Variants in ZSCAN22 observed in about 807,000 individuals in gnomAD.
ZSCAN22 encodes the protein zinc finger and SCAN domain-containing protein 22.
Under a neutral mutation model 12.4 loss-of-function variants are expected in ZSCAN22, and 7 were observed. The ratio of observed to expected loss-of-function variants is 0.57; its 90% confidence interval spans 0.32 to 1.06. The LOEUF (loss-of-function observed/expected upper bound fraction) is 1.06. Among genes scored for constraint, ZSCAN22 ranks in the 50% least tolerant of loss-of-function variants. ZSCAN22 has a pLI of 0.04. For missense variants in ZSCAN22, 576 were observed against 631.7 expected (o/e 0.91, Z 0.94); for synonymous variants, 243 against 255.9 (o/e 0.95, Z 0.48).
Position 58,329,183 on chromosome 19 carries a change from C to T in ZSCAN22, c.-52+2069C>T, listed in dbSNP as rs2051692988. ...ACAGTGCGGCGAAGGGGCTTAAACG[C>T]AGCTTGGCCAGAGGCCACCAGAGGT... On this transcript the variant is annotated intron_variant, in intron 1 of 2. Transcript: ENST00000329665. The surrounding 1 kb of genome is among the most constrained non-coding windows in gnomAD (Gnocchi z 4.1). 6.6e-6 allele frequency among the ~76,000 whole-genome samples: 1 copy of T among 150,640 alleles called. No homozygotes were observed.
Position 58,339,400 on chromosome 19 carries a change from T to A in ZSCAN22, c.*74T>A. 7.3e-7 allele frequency: 1 copy of A among 1,368,524 alleles called. No individual in the cohort carries two copies. The highest frequency in any genetic ancestry group is 9.9e-7 in the Non-Finnish European group (1 of 1,013,146). 84.8% of individuals were successfully genotyped at this position (1,368,524 alleles called of 1,614,324 possible). On this transcript the variant is annotated 3_prime_UTR_variant, in exon 3 of 3. Coordinates refer to ENST00000329665, the MANE Select transcript of ZSCAN22 (RefSeq NM_181846.3). The surrounding 1 kb of genome is among the most constrained non-coding windows in gnomAD (Gnocchi z 5.6). ...AGGTCTAAGAGAAACGCTGAGTTCCTGAAGAGCCACAGACAGGGTGGGTGA... is the reference window on the plus strand; with the variant it reads ...AGGTCTAAGAGAAACGCTGAGTTCCAGAAGAGCCACAGACAGGGTGGGTGA...
chr19:58,334,474 G>A (rs558296714), intron 1 of ZSCAN22, among the ~76,000 whole-genome samples: 113 of 152,244 alleles, frequency 7.4e-4, no homozygotes, highest in African/African-American at 2.5e-3. Context: ...CCGCCACCAC[G>A]TCTGGCTAAT....
chr19:58,332,268 CTTTTTT>C (rs35345104), intron 1 of ZSCAN22, among the ~76,000 whole-genome samples: 1 of 81,674 alleles, frequency 1.2e-5, no homozygotes, highest in African/African-American at 5.5e-5. Flanking sequence ...CACTAATATG[CTTTTTT>C]TTTTTTTTTT....
At chr19:58,331,378 G>A (rs751664214) in intron 1 of ZSCAN22, among the ~76,000 whole-genome samples, 23 of 148,772 alleles carry the variant, frequency 1.5e-4, no homozygotes, top group Non-Finnish European at 2.5e-4. Context: ...TGCCACGCCT[G>A]TCTAGTTTTC....
At chr19:58,337,420 C>T (rs2051812238) in intron 2 of ZSCAN22, among the ~76,000 whole-genome samples, 1 of 145,070 alleles carries the variant, frequency 6.9e-6, no homozygotes, top group Non-Finnish European at 1.5e-5. Flanking sequence ...AGATCAGAGC[C>T]TGCAGGGGAC....
intron 1 of ZSCAN22, among the ~76,000 whole-genome samples, chr19:58,332,464 G>T (rs1056981645): frequency 6.6e-6 from 1 of 151,260 alleles, no homozygotes; most frequent in Non-Finnish European, 1.5e-5. Context: ...TAGTAGAGAC[G>T]GGGTTTCACT....
At position 58,338,202 on chromosome 19, in the gene ZSCAN22, G is replaced by A. The variant is rs533820796; in HGVS notation, c.404-52G>A. On this transcript the variant is annotated intron_variant, in intron 2 of 2. Transcript: ENST00000329665. The surrounding 1 kb of genome is among the most constrained non-coding windows in gnomAD (Gnocchi z 5.4). ...TGTGACCGGGGCCCTCGGCAGAGTA[G>A]GGGAGGCTTGGTGTGGTAGGAGGAG... 4.0e-6 allele frequency: 6 copies of A among 1,510,114 alleles called. No individual in the cohort carries two copies. In the South Asian group the frequency reaches 6.3e-5, roughly 16 times the overall value. 93.5% of individuals were successfully genotyped at this position (1,510,114 alleles called of 1,614,324 possible). A position where few individuals can be genotyped will look rare whatever the true frequency, so the allele number is the denominator to read the frequency against.
At position 58,338,752 on chromosome 19, in the gene ZSCAN22, G is replaced by A. The variant is rs964107090; in HGVS notation, c.902G>A (p.Cys301Tyr). Residue 301 changes from cysteine to tyrosine, a missense_variant, in exon 3 of 3, where the codon TGT becomes TAT. Cys to Tyr is a radical substitution (Grantham distance 194). Transcript: ENST00000329665. This position sits in a 1 kb window ranked among gnomAD's most constrained non-coding sequence, Gnocchi z 5.4. ...SRKTPYACSECGKAFSRSTHL... is the reference protein window; with the variant it reads ...SRKTPYACSEYGKAFSRSTHL... ...AAGACCCCATATGCCTGCAGCGAGT[G>A]TGGGAAAGCCTTCAGCCGGAGCACT... The A allele has an allele frequency of 2.5e-6, 4 of 1,614,256 alleles. No homozygotes were observed. The highest frequency in any genetic ancestry group is 3.4e-6 in the Non-Finnish European group (4 of 1,180,042).
chr19:58,340,842 G>A lies in ZSCAN22; in HGVS notation c.*1516G>A, dbSNP rs1450166741. On this transcript the variant is annotated 3_prime_UTR_variant, in exon 3 of 3. Coordinates refer to ENST00000329665, the MANE Select transcript of ZSCAN22 (RefSeq NM_181846.3). ...CCAAAGAAACCTCCCTGCTCTCCGGGAGCAGACTTCAGCTTGCCCTCTCTG... is the reference window on the plus strand; with the variant it reads ...CCAAAGAAACCTCCCTGCTCTCCGGAAGCAGACTTCAGCTTGCCCTCTCTG... 1.1e-4 allele frequency: 17 copies of A among 152,034 alleles called. No homozygotes were observed. The highest frequency in any genetic ancestry group is 1.1e-3 in the Admixed American group (17 of 15,250). The allele number at this position is 152,034 out of a possible 1,614,324, so 9.4% of individuals were successfully genotyped here.
chr19:58,330,284 C>T (rs192283561), intron 1 of ZSCAN22, among the ~76,000 whole-genome samples: 3 of 152,152 alleles, frequency 2.0e-5, no homozygotes, highest in East Asian at 1.9e-4. Context: ...AGCAAGACTC[C>T]GTCTGGAGAA....
chr19:58,340,480 CT>C lies in ZSCAN22; in HGVS notation c.*1167del, dbSNP rs779224811. ...CTTCTTTTTCTTTTTCTTTTCTTTT[CT>C]TTTTTTTTTTTTGAGATGGAGTCTC... On this transcript the variant is annotated 3_prime_UTR_variant, in exon 3 of 3. Transcript: ENST00000329665. 7.7e-3 allele frequency: 1,095 copies of C among 142,184 alleles called. 9 individuals are homozygous for C. The highest frequency in any genetic ancestry group is 0.017 in the African/African-American group (613 of 36,756). 8.8% of individuals were successfully genotyped at this position (142,184 alleles called of 1,614,324 possible).
rs767810106 is a variant in ZSCAN22, at chr19:58,338,708, C to T, written c.858C>T (p.His286=). 3.1e-6 allele frequency: 5 copies of T among 1,614,216 alleles called. No homozygotes were observed. The highest frequency in any genetic ancestry group is 4.2e-6 in the Non-Finnish European group (5 of 1,180,050). ...MFQSASALEA[H]QKTHSRKTPY... ...AGAGTGCTTCGGCGCTCGAGGCACA[C>T]CAGAAGACCCATTCTCGGAAGACCC... Residue 286 remains histidine (H), a synonymous_variant, in exon 3 of 3, where the codon CAC becomes CAT. Transcript: ENST00000329665. The surrounding 1 kb of genome is among the most constrained non-coding windows in gnomAD (Gnocchi z 5.4).
At chr19:58,336,328 A>G (rs1443595796) in intron 2 of ZSCAN22, among the ~76,000 whole-genome samples, 3 of 152,082 alleles carry the variant, frequency 2.0e-5, no homozygotes. Flanking sequence ...TCTGGAACAG[A>G]GGTTGGTCTA....
intron 1 of ZSCAN22, among the ~76,000 whole-genome samples, chr19:58,330,877 C>T (rs554115526): frequency 6.6e-6 from 1 of 152,350 alleles, no homozygotes; most frequent in East Asian, 1.9e-4. Flanking sequence ...GCACCCATGC[C>T]TTCCCCGTAT....
intron 2 of ZSCAN22, among the ~76,000 whole-genome samples, chr19:58,336,329 G>A (rs2051797166): frequency 6.6e-6 from 1 of 152,144 alleles, no homozygotes; most frequent in African/African-American, 2.4e-5. Context: ...CTGGAACAGA[G>A]GTTGGTCTAT....
chr19:58,337,916 G>C (rs951963149), intron 2 of ZSCAN22, among the ~76,000 whole-genome samples: 1 of 152,222 alleles, frequency 6.6e-6, no homozygotes, highest in Non-Finnish European at 1.5e-5. Context: ...TCAGGGTCCT[G>C]ACAAGGACAG....
intron 1 of ZSCAN22, among the ~76,000 whole-genome samples, chr19:58,330,371 A>C (rs1464973121): frequency 1.3e-5 from 2 of 152,230 alleles, no homozygotes; most frequent in Non-Finnish European, 2.9e-5. Flanking sequence ...ATGGGGCTAG[A>C]TTCTGAGAAG....
At position 58,339,438 on chromosome 19, in the gene ZSCAN22, C is replaced by G; in HGVS notation, c.*112C>G. The G allele has an allele frequency of 1.9e-6, 2 of 1,032,628 alleles. No homozygotes were observed. The highest frequency in any genetic ancestry group is 2.8e-6 in the Non-Finnish European group (2 of 727,066). The allele number at this position is 1,032,628 out of a possible 1,614,324, so 64.0% of individuals were successfully genotyped here. ...ACAGGGTGGGTGATTGATGAGTTGT[C>G]AAAATGATAGGTGCCTGAGGGCAGA... On this transcript the variant is annotated 3_prime_UTR_variant, in exon 3 of 3. Coordinates refer to ENST00000329665, the MANE Select transcript of ZSCAN22 (RefSeq NM_181846.3). This position sits in a 1 kb window ranked among gnomAD's most constrained non-coding sequence, Gnocchi z 5.6.
Position 58,335,356 on chromosome 19 carries a change from G to C in ZSCAN22, c.403+151G>C. 1 of 1,161,644 alleles carries C rather than the reference G, an allele frequency of 8.6e-7. No homozygotes were observed. 72.0% of individuals were successfully genotyped at this position (1,161,644 alleles called of 1,614,324 possible). A position where few individuals can be genotyped will look rare whatever the true frequency, so the allele number is the denominator to read the frequency against. On this transcript the variant is annotated intron_variant, in intron 2 of 2. Transcript: ENST00000329665. The surrounding 1 kb of genome is among the most constrained non-coding windows in gnomAD (Gnocchi z 4.1). ...CTCTCACACACTGTTGTAGACAGGT[G>C]TGTTTTGGTTGCAGGTGACCAAAAG...
Sources: allele counts gnomAD v4.1 joint callset (sites outside exome capture counted in the v4.1 genomes callset), GRCh38; gene constraint gnomAD v4.1.1; non-coding constraint Gnocchi (gnomAD v3.1); transcripts MANE v1.5; gene names NCBI Gene and HGNC (gene_info 2026-07-23, HGNC 2026-07-21).